RELN: variants seen among roughly 807,000 people sequenced by gnomAD.
RELN encodes reelin.
RELN carries 108 observed loss-of-function variants against 427.6 expected under a neutral mutation model. The observed-to-expected ratio is 0.25, with a 90% CI of 0.22 to 0.30. RELN has a LOEUF of 0.30. Among genes scored for constraint, RELN ranks in the 10% least tolerant of loss-of-function variants. The pLI is 1.00. For synonymous variants in RELN, 1,524 were observed against 1,513.4 expected, an observed-to-expected ratio of 1.01 and a Z score of -0.16; for missense variants, 3,715 against 4,302.8, an observed-to-expected ratio of 0.86 and a Z score of 3.82.
chr7:103,753,313 T>A, intron 4 of RELN, 99 bp from the exon 5 acceptor site: 1 of 1,248,678 alleles, frequency 8.0e-7, no homozygotes, highest in Non-Finnish European at 1.2e-6. Flanking sequence ...TAAGTCACAT[T>A]AAGCAAATCA....
chr7:103,732,151 G>C (rs1179212660), intron 6 of RELN, among the ~76,000 whole-genome samples: 1 of 152,100 alleles, frequency 6.6e-6, no homozygotes, highest in Non-Finnish European at 1.5e-5. Flanking sequence ...GATTGGGACT[G>C]ATATGACAGT....
chr7:103,478,368 G>C (rs952896537), intron 64 of RELN, 21 bp downstream of exon 64: 4 of 756,906 alleles, frequency 5.3e-6, no homozygotes, highest in Admixed American at 5.2e-5. Flanking sequence ...CAGTTCCCCA[G>C]ATTTAGTAAG....
intron 44 of RELN, 95 bp from the exon 45 acceptor site, chr7:103,539,422 C>A: frequency 7.7e-7 from 1 of 1,292,986 alleles, no homozygotes. Flanking sequence ...TTGTTTTGAT[C>A]TGTTGGCCTG....
At chr7:103,937,179 C>G (rs572533028) in intron 1 of RELN, among the ~76,000 whole-genome samples, 1 of 152,082 alleles carries the variant, frequency 6.6e-6, no homozygotes, top group African/African-American at 2.4e-5. Flanking sequence ...GAAGTGGGCA[C>G]GCAATAGATA....
Position 103,697,871 on chromosome 7 carries a change from G to A in RELN, c.1125C>T (p.Phe375=). 2 of 1,613,658 alleles carry A rather than the reference G, an allele frequency of 1.2e-6. No homozygotes were observed. Among genetic ancestry groups the A allele is most frequent in the Non-Finnish European group, 1.7e-6 (2 of 1,179,742 alleles). Residue 375 remains phenylalanine (F), a synonymous_variant, in exon 10 of 65, where the codon TTC becomes TTT. Transcript: ENST00000428762. ...DPVDTGNWLF[F]PGATVKHSCQ... is the part of the protein sequence containing the mutation. Reference sequence around the variant, plus strand: ...CTCTAACCTTAACTGTAGCTCCTGGGAAGAAAAGCCAGTTGCCTGTGTCCA... The same window carrying A: ...CTCTAACCTTAACTGTAGCTCCTGGAAAGAAAAGCCAGTTGCCTGTGTCCA...
chr7:103,580,564 AT>A (rs1831107382), intron 28 of RELN, among the ~76,000 whole-genome samples: 1 of 152,182 alleles, frequency 6.6e-6, no homozygotes, highest in Non-Finnish European at 1.5e-5. Flanking sequence ...AGGTGTGTAT[AT>A]ATTTAATTAA....
chr7:103,920,689 T>C (rs802789), intron 1 of RELN, among the ~76,000 whole-genome samples: 58,278 of 151,058 alleles, frequency 0.39, 11,537 homozygotes, highest in South Asian at 0.52. Context: ...TTCTCGTGCC[T>C]CAGCCTCCTG....
At chr7:103,534,593 T>A (rs998787719) in intron 46 of RELN, among the ~76,000 whole-genome samples, 2 of 152,090 alleles carry the variant, frequency 1.3e-5, no homozygotes, top group Admixed American at 1.3e-4. Flanking sequence ...GCTCTAGTGA[T>A]CCTCCTGCCA....
chr7:103,641,468 A>G lies in RELN; in HGVS notation c.2003-859T>C, dbSNP rs77318276. Reference sequence around the variant, plus strand: ...CAATGAATTGTAGGCCAATGGAAAGATCTTGGTGATGGAAACTGCTGGTTT... The same window carrying G: ...CAATGAATTGTAGGCCAATGGAAAGGTCTTGGTGATGGAAACTGCTGGTTT... On this transcript the variant is annotated intron_variant, in intron 16 of 64. Coordinates refer to ENST00000428762, the MANE Select transcript of RELN (RefSeq NM_005045.4). Among the ~76,000 whole-genome samples, 118 of 152,300 alleles carry G rather than the reference A, an allele frequency of 7.7e-4. No homozygotes were observed. In the South Asian group the frequency reaches 0.012, roughly 15 times the overall value.
At chr7:103,950,879 AAAAAGAAAGTCCAGTGCTCTGTCTC>A (rs1796316813) in intron 1 of RELN, among the ~76,000 whole-genome samples, 1 of 152,226 alleles carries the variant, frequency 6.6e-6, no homozygotes, top group South Asian at 2.1e-4. Context: ...TTGTTCAGCA[AAAAAGAAAGTCCAGTGCTCTGTCTC>A]CATGATTGCA....
intron 1 of RELN, among the ~76,000 whole-genome samples, chr7:103,965,929 T>C (rs73715932): frequency 6.6e-6 from 1 of 152,350 alleles, no homozygotes; most frequent in African/African-American, 2.4e-5. Flanking sequence ...CATAGCTATA[T>C]ATATGTTTAC....
At chr7:103,817,622 T>C (rs1408171031) in intron 3 of RELN, among the ~76,000 whole-genome samples, 6 of 152,128 alleles carry the variant, frequency 3.9e-5, no homozygotes, top group Non-Finnish European at 1.5e-5. Context: ...TATATTTACA[T>C]TAAAATTTTA....
intron 16 of RELN, among the ~76,000 whole-genome samples, chr7:103,647,894 G>A (rs1832830539): frequency 6.6e-6 from 1 of 151,686 alleles, no homozygotes; most frequent in South Asian, 2.1e-4. Flanking sequence ...CCAGAATAAT[G>A]CCATCTACAG....
chr7:103,784,179 GA>G (rs1489498880), intron 3 of RELN, among the ~76,000 whole-genome samples: 4 of 152,260 alleles, frequency 2.6e-5, no homozygotes, highest in African/African-American at 9.6e-5. Flanking sequence ...AATGAAAGGG[GA>G]CGTTGATTGG....
intron 1 of RELN, among the ~76,000 whole-genome samples, chr7:103,957,458 C>G (rs1177134494): frequency 6.6e-6 from 1 of 152,140 alleles, no homozygotes; most frequent in Non-Finnish European, 1.5e-5. Context: ...AACACTGCCA[C>G]ATGTCTAATT....
chr7:103,989,274 C>T lies in RELN; in HGVS notation c.83G>A (p.Gly28Asp). The change falls in exon 1 of 65, where the codon GGC becomes GAC. Residue 28 changes from glycine (G) to aspartate (D), a missense_variant. Transcript: ENST00000428762. This position sits in a 1 kb window ranked among gnomAD's most constrained non-coding sequence, Gnocchi z 4.9. ...GATLRARAAA[G>D]YYPRFSPFFF... ...GAAGGGCGAAAAGCGGGGGTAATAG[C>T]CAGCCGCCGCGCGCGCCCTCAGCGT... 1.2e-6 allele frequency: 2 copies of T among 1,613,414 alleles called. No homozygotes were observed. The highest frequency in any genetic ancestry group is 1.7e-6 in the Non-Finnish European group (2 of 1,179,912).
intron 1 of RELN, among the ~76,000 whole-genome samples, chr7:103,938,140 G>T (rs1382210100): frequency 6.6e-6 from 1 of 152,030 alleles, no homozygotes; most frequent in Admixed American, 6.6e-5. Context: ...GGCCAACATG[G>T]TAAAACCCTG....
chr7:103,515,253 C>T lies in RELN; in HGVS notation c.8051G>A (p.Arg2684His), dbSNP rs201157987. The T allele has an allele frequency of 6.8e-6, 11 of 1,614,176 alleles. No individual in the cohort carries two copies. The East Asian group carries it at 8.9e-5, about 13-fold the overall frequency. Reference sequence around the variant, plus strand: ...GACAGGGCCGGCATCTGCAGGGGAGCGCTCATGCTGGGGTACTGGGGCGCT... The same window carrying T: ...GACAGGGCCGGCATCTGCAGGGGAGTGCTCATGCTGGGGTACTGGGGCGCT... ...FSSAPVPQHE[R>H]SPADAGPVGR... Residue 2684 changes from arginine to histidine, a missense_variant, in exon 50 of 65, where the codon CGC becomes CAC. Coordinates refer to ENST00000428762, the MANE Select transcript of RELN (RefSeq NM_005045.4).
intron 1 of RELN, among the ~76,000 whole-genome samples, chr7:103,975,836 G>A (rs564560834): frequency 8.9e-4 from 135 of 151,454 alleles, no homozygotes; most frequent in African/African-American, 3.1e-3. Flanking sequence ...GTGAGCCACC[G>A]CACCCGGCCG....
Sources: gnomAD v4.1 joint callset for allele counts (sites outside exome capture counted in the v4.1 genomes callset) on GRCh38, gnomAD v4.1.1 for gene constraint, Gnocchi (gnomAD v3.1) non-coding constraint, MANE v1.5 for transcripts, NCBI Gene and HGNC (gene_info 2026-07-23, HGNC 2026-07-21) for gene names.